LBP: variants seen among roughly 807,000 people sequenced by gnomAD.
LBP encodes the protein lipopolysaccharide binding protein.
Under a neutral mutation model 56.6 loss-of-function variants are expected in LBP, and 53 were observed. The observed-to-expected ratio is 0.94, with a 90% CI of 0.75 to 1.18. LBP has a LOEUF of 1.18. LBP is among the 50% of genes most tolerant of loss of function. The pLI is 0.00. For synonymous variants in LBP, 227 were observed against 247.5 expected (o/e 0.92, Z 0.78); for missense variants, 601 against 598.3 (o/e 1.00, Z -0.05).
In LBP at chr20:38,364,566, C is replaced by T. The variant is rs539239968; in HGVS notation, c.745-10C>T. On this transcript the variant is annotated splice_polypyrimidine_tract_variant and intron_variant, in intron 7 of 14. Coordinates refer to ENST00000217407, the MANE Select transcript of LBP (RefSeq NM_004139.5). ...TGAAAAGTCCAATTGGACCCTATTT[C>T]CCTCTCCAGGGTGAAATCTTTCATC... 1.5e-5 allele frequency: 24 copies of T among 1,613,906 alleles called. No homozygotes were observed. The East Asian group carries it at 5.1e-4, about 34-fold the overall frequency.
rs1343255851 is a variant in LBP, at chr20:38,376,769, C to T, written c.*100C>T. 2.5e-6 allele frequency: 3 copies of T among 1,195,770 alleles called. No homozygotes were observed. The allele number at this position is 1,195,770 out of a possible 1,614,324, so 74.1% of individuals were successfully genotyped here. A position where few individuals can be genotyped will look rare whatever the true frequency, so the allele number is the denominator to read the frequency against. Reference sequence around the variant, plus strand: ...AGATTCTTGAAGAATGAAGACATTTCTGCTCTCAGCTCCGGGGGTGAGGTG... The same window carrying T: ...AGATTCTTGAAGAATGAAGACATTTTTGCTCTCAGCTCCGGGGGTGAGGTG... On this transcript the variant is annotated 3_prime_UTR_variant, in exon 15 of 15. Coordinates refer to ENST00000217407, the MANE Select transcript of LBP (RefSeq NM_004139.5).
Position 38,354,331 on chromosome 20 carries a change from C to T in LBP, c.416C>T (p.Ser139Leu), listed in dbSNP as rs776633692. The T allele has an allele frequency of 2.3e-5, 37 of 1,613,742 alleles. No individual in the cohort carries two copies. The highest frequency in any genetic ancestry group is 5.3e-5 in the African/African-American group (4 of 74,916). ...GTCAGTGTCAAGGGCATCAGCATTT[C>T]GGTCAACCTCCTGTTGGGCAGCGAG... ...FDVSVKGISI[S>L]VNLLLGSESS... The change falls in exon 4 of 15, where the codon TCG becomes TTG. Residue 139 changes from serine (S) to leucine (L), a missense_variant. Transcript: ENST00000217407.
intron 5 of LBP, among the ~76,000 whole-genome samples, chr20:38,359,864 T>C (rs911781877): frequency 4.6e-5 from 7 of 152,144 alleles, no homozygotes. Context: ...TGTGTGTGAG[T>C]AGCCTACAGA....
In LBP at chr20:38,348,503, G is replaced by A. The variant is rs554711899; in HGVS notation, c.125-1045G>A. On this transcript the variant is annotated intron_variant, in intron 1 of 14. Transcript: ENST00000217407. ...AATTTTTGTATTTTTAGTAGAGACA[G>A]GATTTCACTATGTTGGCCAGGATGG... 2.0e-5 allele frequency among the ~76,000 whole-genome samples: 3 copies of A among 152,194 alleles called. No homozygotes were observed. The East Asian group carries it at 5.8e-4, about 29-fold the overall frequency.
intron 4 of LBP, 34 bp downstream of exon 4, chr20:38,354,473 C>A: frequency 6.3e-7 from 1 of 1,582,742 alleles, no homozygotes; most frequent in South Asian, 1.2e-5. Context: ...CAGCTGGACT[C>A]CTGGTTGCAG....
chr20:38,374,674 G>A (rs928099600), intron 14 of LBP, among the ~76,000 whole-genome samples: 1 of 151,280 alleles, frequency 6.6e-6, no homozygotes, highest in African/African-American at 2.4e-5. Context: ...GGTTCTGAAA[G>A]TCATTTGTAA....
rs181012536 is a variant in LBP at position 38,376,785 on chromosome 20, G to A, written c.*116G>A. ...AAGACATTTCTGCTCTCAGCTCCGGGGGTGAGGTGTGCCTGGCCTCTGCCT... is the reference window on the plus strand; with the variant it reads ...AAGACATTTCTGCTCTCAGCTCCGGAGGTGAGGTGTGCCTGGCCTCTGCCT... On this transcript the variant is annotated 3_prime_UTR_variant, in exon 15 of 15. Transcript: ENST00000217407. The A allele has an allele frequency of 1.9e-6, 2 of 1,052,820 alleles. No homozygotes were observed. The highest frequency in any genetic ancestry group is 2.9e-6 in the Non-Finnish European group (2 of 680,996). The allele number at this position is 1,052,820 out of a possible 1,614,324, so 65.2% of individuals were successfully genotyped here. A position where few individuals can be genotyped will look rare whatever the true frequency, so the allele number is the denominator to read the frequency against.
In LBP at chr20:38,368,461, T is replaced by TAC. The variant is rs760814050; in HGVS notation, c.982-534_982-533insAC. Among the ~76,000 whole-genome samples, 208 of 152,138 alleles carry TAC rather than the reference T, an allele frequency of 1.4e-3. 4 individuals are homozygous for TAC. Among genetic ancestry groups the TAC allele is most frequent in the East Asian group, 9.7e-4 (5 of 5,178 alleles). On this transcript the variant is annotated intron_variant, in intron 9 of 14. Transcript: ENST00000217407. ...CTAAAAATACAAAATTAGCCGGGTG[T>TAC]GGTGGTGCACACCTGTAATCCCAGC...
intron 9 of LBP, among the ~76,000 whole-genome samples, chr20:38,367,962 T>TG (rs928558705): frequency 2.6e-5 from 4 of 151,508 alleles, no homozygotes; most frequent in South Asian, 2.1e-4. Flanking sequence ...GAGGCCAAAG[T>TG]GGGGGGGTAG....
chr20:38,356,354 C>T (rs535200661), intron 5 of LBP, among the ~76,000 whole-genome samples: 25 of 123,670 alleles, frequency 2.0e-4, no homozygotes, highest in African/African-American at 7.3e-4. Context: ...CATGCACACA[C>T]CACACACACC....
chr20:38,368,483 C>T (rs565660400), intron 9 of LBP, among the ~76,000 whole-genome samples: 14 of 152,226 alleles, frequency 9.2e-5, no homozygotes, highest in African/African-American at 3.1e-4. Context: ...CCTGTAATCC[C>T]AGCTACTTGG....
intron 10 of LBP, among the ~76,000 whole-genome samples, chr20:38,369,843 G>A (rs769599011): frequency 2.0e-5 from 3 of 152,040 alleles, no homozygotes; most frequent in South Asian, 2.1e-4. Flanking sequence ...TTCCCTCTGC[G>A]TTAAACATTG....
chr20:38,347,877 A>G (rs1199020740), intron 1 of LBP, among the ~76,000 whole-genome samples: 2 of 152,192 alleles, frequency 1.3e-5, no homozygotes, highest in Non-Finnish European at 2.9e-5. Context: ...ACATCCCTAG[A>G]GCCTCAATTG....
intron 5 of LBP, among the ~76,000 whole-genome samples, chr20:38,358,651 C>T (rs937766491): frequency 2.6e-5 from 4 of 152,136 alleles, no homozygotes; most frequent in African/African-American, 9.7e-5. Flanking sequence ...AAGATACAGC[C>T]CTTTGCCCTC....
chr20:38,357,788 G>T (rs2076846461), intron 5 of LBP, among the ~76,000 whole-genome samples: 1 of 152,176 alleles, frequency 6.6e-6, no homozygotes, highest in African/African-American at 2.4e-5. Flanking sequence ...CCTGGAAAGG[G>T]GCGAGGACTT....
intron 6 of LBP, among the ~76,000 whole-genome samples, chr20:38,361,078 A>C (rs146873840): frequency 0.024 from 3,692 of 151,634 alleles, 158 homozygotes; most frequent in African/African-American, 0.083. Context: ...AGGAGAATTG[A>C]TTGAACCCAG....
intron 3 of LBP, 44 bp downstream of exon 3, chr20:38,350,983 C>T: frequency 6.3e-7 from 1 of 1,599,166 alleles, no homozygotes; most frequent in East Asian, 2.2e-5. Flanking sequence ...TTGGCCTTGG[C>T]CTTCGCCCCA....
intron 9 of LBP, among the ~76,000 whole-genome samples, chr20:38,367,395 A>C (rs2076885996): frequency 6.6e-6 from 1 of 152,174 alleles, no homozygotes; most frequent in Non-Finnish European, 1.5e-5. Flanking sequence ...TTGAGGCTGC[A>C]GTGAGCTGTG....
chr20:38,376,667 T>C lies in LBP; in HGVS notation c.1444T>C (p.Ter482ArgextTer5), dbSNP rs1172844456. 2 of 1,613,732 alleles carry C rather than the reference T, an allele frequency of 1.2e-6. No individual in the cohort carries two copies. The highest frequency in any genetic ancestry group is 1.7e-6 in the Non-Finnish European group (2 of 1,179,596). Reference protein sequence around the residue: ...LGANVQYMRV* With the variant: ...LGANVQYMRVR ...TGCCAATGTCCAATACATGAGAGTT[T>C]GAGGACAAGAAAGATGAAGCTTGGA... Residue 482 changes from the stop codon to arginine, a stop_lost, in exon 15 of 15, where the codon TGA becomes CGA. Transcript: ENST00000217407.
Sources: allele counts gnomAD v4.1 joint callset (sites outside exome capture counted in the v4.1 genomes callset), GRCh38; gene constraint gnomAD v4.1.1; transcripts MANE v1.5; gene names NCBI Gene and HGNC (gene_info 2026-07-23, HGNC 2026-07-21).